Variants in AGAP1 observed in about 807,000 individuals in gnomAD.
The protein encoded by AGAP1 is ArfGAP with GTPase domain, ankyrin repeat and PH domain 1.
A neutral mutation model predicts 105.3 loss-of-function variants in AGAP1; 29 were observed. The observed-to-expected ratio is 0.28, with a 90% CI of 0.21 to 0.38. AGAP1 has a LOEUF of 0.38. Among genes scored for constraint, AGAP1 ranks in the 10% least tolerant of loss-of-function variants. The probability of loss-of-function intolerance (pLI) is 1.00; values close to 1 mark genes in which losing one functional copy is unlikely to be tolerated. For missense variants in AGAP1, 998 were observed against 1,165.1 expected (o/e 0.86, Z 2.09); for synonymous variants, 509 against 485.9 (o/e 1.05, Z -0.63).
intron 1 of AGAP1, among the ~76,000 whole-genome samples, chr2:235,498,047 A>AGG (rs35697071): frequency 6.6e-6 from 1 of 151,922 alleles, no homozygotes; most frequent in Non-Finnish European, 1.5e-5. Context: ...AGCCTTGTCC[A>AGG]GGGGAAGGAT....
In AGAP1 at chr2:236,109,492, C is replaced by G. The variant is rs2059589452; in HGVS notation, c.2115-10700C>G. 6.6e-6 allele frequency among the ~76,000 whole-genome samples: 1 copy of G among 152,186 alleles called. No homozygotes were observed. The highest frequency in any genetic ancestry group is 2.1e-4 in the South Asian group (1 of 4,830). ...AGGAGGAAGGAAAAACTGAGATGAT[C>G]TAGATCCGTGCATCCTCTGTAATGG... is the stretch of plus-strand genomic sequence containing the variant. On this transcript the variant is annotated intron_variant, in intron 16 of 17. Coordinates refer to ENST00000304032, the MANE Select transcript of AGAP1 (RefSeq NM_001037131.3). The surrounding 1 kb of genome is among the most constrained non-coding windows in gnomAD (Gnocchi z 5.4).
rs372819836 is a variant in AGAP1, at chr2:235,968,421, CA to C, written c.1484-40del. 1,346 of 1,345,136 alleles carry C rather than the reference CA, an allele frequency of 1.0e-3. 11 individuals carry two copies. In the African/African-American group the frequency reaches 0.02, roughly 20 times the overall value. The allele number at this position is 1,345,136 out of a possible 1,614,324, so 83.3% of individuals were successfully genotyped here. ...TTCTGCTTTGTAAGTGCTCACTCTGCATTTTTTTTTTTTTTTTTGCCTTTTC... is the reference window on the plus strand; with the variant it reads ...TTCTGCTTTGTAAGTGCTCACTCTGCTTTTTTTTTTTTTTTTTGCCTTTTC... On this transcript the variant is annotated intron_variant, in intron 12 of 17. Transcript: ENST00000304032.
In AGAP1 at chr2:235,845,718, C is replaced by T. The variant is rs950016556; in HGVS notation, c.1051-37627C>T. Among the ~76,000 whole-genome samples, 1 of 152,102 alleles carries T rather than the reference C, an allele frequency of 6.6e-6. No homozygotes were observed. The highest frequency in any genetic ancestry group is 1.9e-4 in the East Asian group (1 of 5,186). On this transcript the variant is annotated intron_variant, in intron 9 of 17. Coordinates refer to ENST00000304032, the MANE Select transcript of AGAP1 (RefSeq NM_001037131.3). The surrounding 1 kb of genome is among the most constrained non-coding windows in gnomAD (Gnocchi z 4.8). Reference sequence around the variant, plus strand: ...CCCAAGTCACCAGCCGGGACTATTCCTGATGTCATCTATTAACCTTCTCCA... The same window carrying T: ...CCCAAGTCACCAGCCGGGACTATTCTTGATGTCATCTATTAACCTTCTCCA...
chr2:235,529,786 G>A (rs1272784734), intron 1 of AGAP1, among the ~76,000 whole-genome samples: 1 of 152,214 alleles, frequency 6.6e-6, no homozygotes, highest in Non-Finnish European at 1.5e-5. Context: ...AGCTGGGTGG[G>A]CAGAAATCGA....
In AGAP1 at chr2:236,070,758, G is replaced by C. The variant is rs577651531; in HGVS notation, c.2114+21477G>C. Among the ~76,000 whole-genome samples, 141 of 152,320 alleles carry C rather than the reference G, an allele frequency of 9.3e-4. 1 individual carries two copies. The highest frequency in any genetic ancestry group is 3.2e-3 in the African/African-American group (133 of 41,582). On this transcript the variant is annotated intron_variant, in intron 16 of 17. Transcript: ENST00000304032. ...ATACGGACAGAAAGTGGATTGGGGT[G>C]GCCCTGGGCCGGGGCAGGGGCGGGG... is the stretch of plus-strand genomic sequence containing the variant.
At chr2:235,543,470 A>G (rs969202863) in intron 1 of AGAP1, among the ~76,000 whole-genome samples, 11 of 152,170 alleles carry the variant, frequency 7.2e-5, no homozygotes, top group Admixed American at 2.0e-4. Context: ...GACGAAGGAC[A>G]TGGCAGAGCA....
chr2:235,918,316 G>A (rs2052003009), intron 11 of AGAP1, among the ~76,000 whole-genome samples: 1 of 152,252 alleles, frequency 6.6e-6, no homozygotes, highest in African/African-American at 2.4e-5. Flanking sequence ...AATATCAGTA[G>A]CATGTGATAT....
Position 235,930,813 on chromosome 2 carries a change from T to A in AGAP1, c.1373T>A (p.Leu458Gln), listed in dbSNP as rs767553347. ...SGSQMASGISLVSFNSRPDGM... is the reference protein window; with the variant it reads ...SGSQMASGISQVSFNSRPDGM... ...TCTCAGATGGCAAGCGGCATCAGCC[T>A]GGTCTCCTTCAACAGCCGACCCGAC... is the stretch of plus-strand genomic sequence containing the variant. The change falls in exon 12 of 18, where the codon CTG (leucine) becomes CAG (glutamine). Residue 458 changes from leucine (L) to glutamine (Q), a missense_variant. Physicochemically the swap from Leu to Gln is moderately radical, Grantham distance 113. Coordinates refer to ENST00000304032, the MANE Select transcript of AGAP1 (RefSeq NM_001037131.3). The surrounding 1 kb of genome is among the most constrained non-coding windows in gnomAD (Gnocchi z 7.9). 31 of 1,614,146 alleles carry A rather than the reference T, an allele frequency of 1.9e-5. No homozygotes were observed. The highest frequency in any genetic ancestry group is 2.5e-5 in the Non-Finnish European group (30 of 1,180,014).
chr2:236,011,653 T>C (rs2056516714), intron 13 of AGAP1, among the ~76,000 whole-genome samples: 1 of 152,172 alleles, frequency 6.6e-6, no homozygotes, highest in Non-Finnish European at 1.5e-5. Flanking sequence ...ATAACATTAG[T>C]AACAAAATCA....
At position 236,127,899 on chromosome 2, in the gene AGAP1, G is replaced by A. The variant is rs531168072; in HGVS notation, c.*3777G>A. The A allele has an allele frequency of 6.6e-6, 1 of 152,354 alleles. No individual in the cohort carries two copies. The highest frequency in any genetic ancestry group is 2.4e-5 in the African/African-American group (1 of 41,560). 9.4% of individuals were successfully genotyped at this position (152,354 alleles called of 1,614,324 possible). A position where few individuals can be genotyped will look rare whatever the true frequency, so the allele number is the denominator to read the frequency against. ...CAGGGTGCAGTGAGGTTTCAAACCA[G>A]TGTGATAAGTGTTGGCCTCACACCT... is the stretch of plus-strand genomic sequence containing the variant. On this transcript the variant is annotated 3_prime_UTR_variant, in exon 18 of 18. Transcript: ENST00000304032. The surrounding 1 kb of genome is among the most constrained non-coding windows in gnomAD (Gnocchi z 6.6).
At position 235,971,497 on chromosome 2, in the gene AGAP1, G is replaced by A. The variant is rs959214386; in HGVS notation, c.1645+2874G>A. ...GGGCGGATCACGAGGTCAGGAGATC[G>A]AGACCATCCTGGCTAACACAATGAA... is the stretch of plus-strand genomic sequence containing the variant. On this transcript the variant is annotated intron_variant, in intron 13 of 17. Coordinates refer to ENST00000304032, the MANE Select transcript of AGAP1 (RefSeq NM_001037131.3). This position sits in a 1 kb window ranked among gnomAD's most constrained non-coding sequence, Gnocchi z 4.8. 1.3e-5 allele frequency among the ~76,000 whole-genome samples: 2 copies of A among 151,976 alleles called. No individual in the cohort carries two copies. Among genetic ancestry groups the A allele is most frequent in the Admixed American group, 6.5e-5 (1 of 15,280 alleles).
At chr2:235,806,640 G>A (rs533054416) in intron 8 of AGAP1, among the ~76,000 whole-genome samples, 4 of 152,194 alleles carry the variant, frequency 2.6e-5, no homozygotes, top group Admixed American at 6.5e-5. Context: ...GTCCAAAGGC[G>A]ATTATCAGGG....
At position 236,001,636 on chromosome 2, in the gene AGAP1, A is replaced by T. The variant is rs1424737482; in HGVS notation, c.1645+33013A>T. ...AGGACACAGAGGCCAGGGCCGGGAG[A>T]CCAGGAGGCCGAGAGCGGTAGAACG... On this transcript the variant is annotated intron_variant, in intron 13 of 17. Transcript: ENST00000304032. The surrounding 1 kb of genome is among the most constrained non-coding windows in gnomAD (Gnocchi z 4.7). Among the ~76,000 whole-genome samples the T allele has an allele frequency of 2.0e-5, 3 of 152,110 alleles. No homozygotes were observed. The highest frequency in any genetic ancestry group is 2.9e-5 in the Non-Finnish European group (2 of 68,020).
intron 6 of AGAP1, among the ~76,000 whole-genome samples, chr2:235,776,688 G>A (rs1036774856): frequency 6.6e-6 from 1 of 152,132 alleles, no homozygotes; most frequent in Non-Finnish European, 1.5e-5. Flanking sequence ...CTCCTGTGTT[G>A]CAGGTGCTAT....
chr2:235,971,771 T>TGA lies in AGAP1; in HGVS notation c.1645+3148_1645+3149insGA, dbSNP rs1292300058. Among the ~76,000 whole-genome samples the TGA allele has an allele frequency of 5.3e-5, 8 of 150,122 alleles. No homozygotes were observed. The highest frequency in any genetic ancestry group is 1.9e-4 in the African/African-American group (8 of 41,092). On this transcript the variant is annotated intron_variant, in intron 13 of 17. Coordinates refer to ENST00000304032, the MANE Select transcript of AGAP1 (RefSeq NM_001037131.3). The surrounding 1 kb of genome is among the most constrained non-coding windows in gnomAD (Gnocchi z 4.8). ...TTTATTTATTTATTTATTTATTTAT[T>TGA]TATTTATTTATTTATTGTATTTTTT...
intron 1 of AGAP1, among the ~76,000 whole-genome samples, chr2:235,580,934 TGTTTACCACATGGCTTGACA>T (rs1357726098): frequency 6.6e-6 from 1 of 152,126 alleles, no homozygotes; most frequent in Non-Finnish European, 1.5e-5. Flanking sequence ...GTGACTGCTG[TGTTTACCACATGGCTTGACA>T]GTTTACAAAG....
chr2:235,641,816 C>G (rs919038094), intron 1 of AGAP1, among the ~76,000 whole-genome samples: 3 of 152,360 alleles, frequency 2.0e-5, no homozygotes, highest in African/African-American at 7.2e-5. Context: ...TGTGTCCTCT[C>G]CAGCCTTGCT....
rs535527388 is a variant in AGAP1, at chr2:235,786,858, AGTTCCAGT to A, written c.674-10899_674-10892del. 3.8e-3 allele frequency among the ~76,000 whole-genome samples: 586 copies of A among 152,360 alleles called. 4 individuals are homozygous for A. The highest frequency in any genetic ancestry group is 0.017 in the Middle Eastern group (5 of 294). ...TTTATAGGGTTCAGGAGACCCCTAGAGTTCCAGTGAGAAAGCGTGAGCTCCGTCCATTG... is the reference window on the plus strand; with the variant it reads ...TTTATAGGGTTCAGGAGACCCCTAGAGAGAAAGCGTGAGCTCCGTCCATTG... On this transcript the variant is annotated intron_variant, in intron 6 of 17. Transcript: ENST00000304032.
At chr2:235,588,306 A>G (rs189263497) in intron 1 of AGAP1, among the ~76,000 whole-genome samples, 5 of 152,192 alleles carry the variant, frequency 3.3e-5, no homozygotes, top group Admixed American at 1.3e-4. Context: ...CAGGGAAGTT[A>G]GTTCTCAGGA....
Sources: gnomAD v4.1 joint callset for allele counts (sites outside exome capture counted in the v4.1 genomes callset) on GRCh38, gnomAD v4.1.1 for gene constraint, Gnocchi (gnomAD v3.1) non-coding constraint, MANE v1.5 for transcripts, NCBI Gene and HGNC (gene_info 2026-07-23, HGNC 2026-07-21) for gene names.